ATP8B3: variants seen among roughly 807,000 people sequenced by gnomAD.
The protein encoded by ATP8B3 is ATPase phospholipid transporting 8B3.
A neutral mutation model predicts 140.9 loss-of-function variants in ATP8B3; 141 were observed. That is an observed-to-expected ratio of 1.00 (90% CI 0.87 to 1.15). The LOEUF is 1.15. Among genes scored for constraint, ATP8B3 ranks in the 50% most tolerant of loss-of-function variants. The probability of loss-of-function intolerance (pLI) is 0.00; values close to 1 mark genes in which losing one functional copy is unlikely to be tolerated. For synonymous variants in ATP8B3, 765 were observed against 714.6 expected, an observed-to-expected ratio of 1.07 and a Z score of -1.13; for missense variants, 1,874 against 1,740.6, an observed-to-expected ratio of 1.08 and a Z score of -1.36.
At chr19:1,796,949 C>T (rs556887189) in intron 15 of ATP8B3, 25 bp downstream of exon 15, 24 of 1,612,768 alleles carry the variant, frequency 1.5e-5, no homozygotes, top group African/African-American at 4.0e-5. Context: ...CTCACCGTCC[C>T]GCGCTGCAAG....
chr19:1,802,606 T>G lies in ATP8B3; in HGVS notation c.944A>C (p.His315Pro), dbSNP rs1292342145. 3 of 1,611,538 alleles carry G rather than the reference T, an allele frequency of 1.9e-6. No homozygotes were observed. The highest frequency in any genetic ancestry group is 2.5e-6 in the Non-Finnish European group (3 of 1,179,542). The change falls in exon 11 of 29, where the codon CAC becomes CCC. Residue 315 changes from histidine (H) to proline (P), a missense_variant. His to Pro is a moderately conservative substitution (Grantham distance 77, BLOSUM62 -2). Transcript: ENST00000310127. ...ATTCCATTCCAGGCACCCCACGAAG[T>G]GGTGCATCCGACTGTTAGGCGCCTC... Reference protein sequence around the residue: ...TCEAPNSRMHHFVGCLEWNDK... With the variant: ...TCEAPNSRMHPFVGCLEWNDK...
At chr19:1,798,728 A>T (rs549976033) in intron 14 of ATP8B3, 1 of 150,926 alleles carries the variant, frequency 6.6e-6, no homozygotes, top group Admixed American at 6.6e-5. Flanking sequence ...ACAGAGCGAG[A>T]CTCTGTCTCA....
Position 1,795,998 on chromosome 19 carries a change from A to T in ATP8B3, c.1943-11T>A, listed in dbSNP as rs1293722101. 2 of 1,612,952 alleles carry T rather than the reference A, an allele frequency of 1.2e-6. No homozygotes were observed. Among genetic ancestry groups the T allele is most frequent in the Admixed American group, 3.3e-5 (2 of 60,018 alleles). ...CCTCTGGCTTTCGAACTGTGGGGGA[A>T]CAGGCCCTGCTGCCCACAGAGGCTC... On this transcript the variant is annotated splice_polypyrimidine_tract_variant and intron_variant, in intron 17 of 28. Transcript: ENST00000310127.
chr19:1,811,343 G>A (rs778170431), intron 2 of ATP8B3, 146 bp downstream of exon 2: 91 of 1,154,130 alleles, frequency 7.9e-5, no homozygotes, highest in Middle Eastern at 5.9e-4. Context: ...GCCCTGCACC[G>A]GGGGCCCTGG....
intron 14 of ATP8B3, among the ~76,000 whole-genome samples, chr19:1,797,461 T>C (rs1325465052): frequency 6.8e-6 from 1 of 147,650 alleles, no homozygotes; most frequent in Non-Finnish European, 1.5e-5. Context: ...TTTTTGTTCT[T>C]TTTTATTTTT....
Position 1,785,585 on chromosome 19 carries a change from T to G in ATP8B3, c.3277A>C (p.Asn1093His), listed in dbSNP as rs1466368688. The change falls in exon 26 of 29, where the codon AAC becomes CAC. Residue 1093 changes from asparagine to histidine, a missense_variant. Around this residue, in one of 3 missense-constraint regions of ATP8B3, gnomAD observed 840 missense variants for 760.9 expected, o/e 1.10. Transcript: ENST00000310127. ...CTGATCCACAGTGTCATGAAGAAGT[T>G]GACCAGAGAGGTGGTCACACCATGG... ...IAHGVTTSLV[N>H]FFMTLWISRD... is the part of the protein sequence containing the mutation. The G allele has an allele frequency of 6.2e-7, 1 of 1,613,070 alleles. No homozygotes were observed. Among genetic ancestry groups the G allele is most frequent in the African/African-American group, 1.3e-5 (1 of 74,946 alleles).
chr19:1,795,937 C>A lies in ATP8B3; in HGVS notation c.1993G>T (p.Val665Phe), dbSNP rs1336920312. Residue 665 changes from valine (V) to phenylalanine (F), a missense_variant, in exon 18 of 29, where the codon GTC (valine) becomes TTC (phenylalanine). Physicochemically the swap from Val to Phe is conservative, Grantham distance 50. Coordinates refer to ENST00000310127, the MANE Select transcript of ATP8B3 (RefSeq NM_138813.4). ...ICLYTKGADT[V>F]IFERLHRRGA... ...CTCCTGTGCAAGCGTTCGAAGATGA[C>A]CGTGTCGGCGCCCTTGGTGTACAGG... The A allele has an allele frequency of 8.1e-6, 13 of 1,613,186 alleles. No homozygotes were observed. Among genetic ancestry groups the A allele is most frequent in the Non-Finnish European group, 1.1e-5 (13 of 1,179,862 alleles).
Position 1,796,771 on chromosome 19 carries a change from A to C in ATP8B3, c.1693T>G (p.Trp565Gly). The C allele has an allele frequency of 6.2e-7, 1 of 1,612,414 alleles. No individual in the cohort carries two copies. Among genetic ancestry groups the C allele is most frequent in the Non-Finnish European group, 8.5e-7 (1 of 1,179,634 alleles). The change falls in exon 16 of 29, where the codon TGG becomes GGG. Residue 565 changes from tryptophan (W) to glycine (G), a missense_variant. This residue lies in a region of ATP8B3 where 1,032 missense variants were observed against 963.6 expected (regional missense o/e 1.07). Transcript: ENST00000310127. ...GTGTGGCAGATGGCCAGCAGGCGCC[A>C]GAACTCCCGCACGGCCTCGTCCCCG... ...TNGDEAVREF[W>G]RLLAICHTVM...
At position 1,806,328 on chromosome 19, in the gene ATP8B3, C is replaced by T; in HGVS notation, c.678-159G>A. 6.8e-7 allele frequency: 1 copy of T among 1,471,802 alleles called. No individual in the cohort carries two copies. The highest frequency in any genetic ancestry group is 1.4e-5 in the African/African-American group (1 of 71,310). The allele number at this position is 1,471,802 out of a possible 1,614,324, so 91.2% of individuals were successfully genotyped here. A position where few individuals can be genotyped will look rare whatever the true frequency, so the allele number is the denominator to read the frequency against. Reference sequence around the variant, plus strand: ...CCTTCCCCGGGCTCCCACCCCACTCCCCGCGGGTCCACGCTCCCACCCAGT... The same window carrying T: ...CCTTCCCCGGGCTCCCACCCCACTCTCCGCGGGTCCACGCTCCCACCCAGT... On this transcript the variant is annotated intron_variant, in intron 7 of 28. Transcript: ENST00000310127. The surrounding 1 kb of genome is among the most constrained non-coding windows in gnomAD (Gnocchi z 5.6).
rs2068605563 is a variant in ATP8B3 at position 1,794,361 on chromosome 19, C to T, written c.2055+1514G>A. Among the ~76,000 whole-genome samples the T allele has an allele frequency of 6.6e-6, 1 of 152,156 alleles. No homozygotes were observed. Among genetic ancestry groups the T allele is most frequent in the African/African-American group, 2.4e-5 (1 of 41,438 alleles). On this transcript the variant is annotated intron_variant, in intron 18 of 28. Transcript: ENST00000310127. The surrounding 1 kb of genome is among the most constrained non-coding windows in gnomAD (Gnocchi z 4.8). ...TAAGCTGACCTGCTGAGCTCCTGGG[C>T]TCTAGGTCATTATTGTGACCGCACT...
At position 1,800,370 on chromosome 19, in the gene ATP8B3, T is replaced by C. The variant is rs1026842832; in HGVS notation, c.1232A>G (p.His411Arg). 7.5e-6 allele frequency: 12 copies of C among 1,610,598 alleles called. No homozygotes were observed. The highest frequency in any genetic ancestry group is 1.7e-5 in the Admixed American group (1 of 59,750). ...CCCATGCACCCCCGAGAGGTAGTAG[T>C]GGTGGTCTTTGAATTCTTTGACTGA... Reference protein sequence around the residue: ...GFSVKEFKDHHYYLSGVHGSS... With the variant: ...GFSVKEFKDHRYYLSGVHGSS... Residue 411 changes from histidine to arginine, a missense_variant, in exon 13 of 29, where the codon CAC (histidine) becomes CGC (arginine). This residue lies in a region of ATP8B3 where 1,032 missense variants were observed against 963.6 expected (regional missense o/e 1.07). Coordinates refer to ENST00000310127, the MANE Select transcript of ATP8B3 (RefSeq NM_138813.4). This position sits in a 1 kb window ranked among gnomAD's most constrained non-coding sequence, Gnocchi z 4.4.
At chr19:1,808,753 A>G (rs1040647164) in intron 4 of ATP8B3, among the ~76,000 whole-genome samples, 2 of 152,234 alleles carry the variant, frequency 1.3e-5, no homozygotes, top group Non-Finnish European at 2.9e-5. Flanking sequence ...CGATGGACAC[A>G]TTGTACTTTC....
In ATP8B3 at chr19:1,789,985, T is replaced by C; in HGVS notation, c.2383A>G (p.Ile795Val). 6.2e-7 allele frequency: 1 copy of C among 1,608,016 alleles called. No homozygotes were observed. The highest frequency in any genetic ancestry group is 8.5e-7 in the Non-Finnish European group (1 of 1,176,176). Residue 795 changes from isoleucine to valine, a missense_variant, in exon 22 of 29, where the codon ATC becomes GTC. This residue lies in a region of ATP8B3 where 840 missense variants were observed against 760.9 expected (regional missense o/e 1.10). Transcript: ENST00000310127. ...LILEEKEISRILETYWENSNN... is the reference protein window; with the variant it reads ...LILEEKEISRVLETYWENSNN... ...CTGTTTTCCCAGTAGGTCTCCAGGA[T>C]GCGGCTGCGGGGCGCAGGGGTCAGC... is the stretch of plus-strand genomic sequence containing the variant.
At chr19:1,787,224 C>T in intron 24 of ATP8B3, 38 bp from the exon 25 acceptor site, 1 of 1,549,842 alleles carries the variant, frequency 6.5e-7, no homozygotes, top group Non-Finnish European at 8.8e-7. Context: ...ACAAGTCAGC[C>T]TCCAGGCACC....
Position 1,806,013 on chromosome 19 carries a change from T to C in ATP8B3, c.751-55A>G. 6.2e-7 allele frequency: 1 copy of C among 1,603,034 alleles called. No individual in the cohort carries two copies. The highest frequency in any genetic ancestry group is 1.1e-5 in the South Asian group (1 of 90,624). On this transcript the variant is annotated intron_variant, in intron 8 of 28. Transcript: ENST00000310127. The surrounding 1 kb of genome is among the most constrained non-coding windows in gnomAD (Gnocchi z 5.6). ...GAGGGGATGCAAGACAAATTGGGGGTGCGGCAGCCCTCCCCACCCTGGGAG... is the reference window on the plus strand; with the variant it reads ...GAGGGGATGCAAGACAAATTGGGGGCGCGGCAGCCCTCCCCACCCTGGGAG...
intron 24 of ATP8B3, among the ~76,000 whole-genome samples, chr19:1,787,859 T>A (rs568935550): frequency 1.0e-4 from 15 of 149,940 alleles, no homozygotes; most frequent in African/African-American, 3.4e-4. Flanking sequence ...CTGGCCAACA[T>A]GGCAAAACCC....
rs1190601783 is a variant in ATP8B3, at chr19:1,806,023, C to A, written c.751-65G>T. 2 of 1,607,626 alleles carry A rather than the reference C, an allele frequency of 1.2e-6. No individual in the cohort carries two copies. The highest frequency in any genetic ancestry group is 1.7e-6 in the Non-Finnish European group (2 of 1,177,594). On this transcript the variant is annotated intron_variant, in intron 8 of 28. Coordinates refer to ENST00000310127, the MANE Select transcript of ATP8B3 (RefSeq NM_138813.4). This position sits in a 1 kb window ranked among gnomAD's most constrained non-coding sequence, Gnocchi z 5.6. ...AAGACAAATTGGGGGTGCGGCAGCC[C>A]TCCCCACCCTGGGAGGGGTGCTCTC... is the stretch of plus-strand genomic sequence containing the variant.
At position 1,797,069 on chromosome 19, in the gene ATP8B3, CCT is replaced by C. The variant is rs2068703139; in HGVS notation, c.1553-66_1553-65del. Reference sequence around the variant, plus strand: ...GCCCCCCATTCGGGATCCCATAGCCCCTGACCCCTAGTTTCAGGCTTCCGGGG... The same window carrying C: ...GCCCCCCATTCGGGATCCCATAGCCCGACCCCTAGTTTCAGGCTTCCGGGG... On this transcript the variant is annotated intron_variant, in intron 14 of 28. Transcript: ENST00000310127. The C allele has an allele frequency of 4.0e-5, 65 of 1,608,254 alleles. No individual in the cohort carries two copies. The South Asian group carries it at 7.2e-4, about 18-fold the overall frequency.
At position 1,809,663 on chromosome 19, in the gene ATP8B3, A is replaced by G. The variant is rs945614012; in HGVS notation, c.382T>C (p.Trp128Arg). 4.3e-6 allele frequency: 7 copies of G among 1,610,380 alleles called. No individual in the cohort carries two copies. Among genetic ancestry groups the G allele is most frequent in the Non-Finnish European group, 5.9e-6 (7 of 1,178,664 alleles). ...GQFKEKVILC[W>R]QRKKYKTNVI... ...CCCACCTTGTATTTCTTCCTTTGCCAGCACAGGATCACCTTCTCCTTGAAC... is the reference window on the plus strand; with the variant it reads ...CCCACCTTGTATTTCTTCCTTTGCCGGCACAGGATCACCTTCTCCTTGAAC... Residue 128 changes from tryptophan (W) to arginine (R), a missense_variant, in exon 4 of 29, where the codon TGG (tryptophan) becomes CGG (arginine). By Grantham distance (101) the Trp-to-Arg change is moderately radical (BLOSUM62 -3). Coordinates refer to ENST00000310127, the MANE Select transcript of ATP8B3 (RefSeq NM_138813.4).
Sources: gnomAD v4.1 joint callset for allele counts (sites outside exome capture counted in the v4.1 genomes callset) on GRCh38, gnomAD v4.1.1 for gene constraint, gnomAD v4.1.1 regional missense constraint, Gnocchi (gnomAD v3.1) non-coding constraint, MANE v1.5 for transcripts, NCBI Gene and HGNC (gene_info 2026-07-23, HGNC 2026-07-21) for gene names.